The following BMPER variants were observed in gnomAD, a reference collection of about 807,000 sequenced individuals.
BMPER encodes BMP binding endothelial regulator.
In BMPER, 45 loss-of-function variants were observed where a neutral mutation model predicts 87.3. That is an observed-to-expected ratio of 0.52 (90% confidence interval 0.41 to 0.66). The LOEUF (loss-of-function observed/expected upper bound fraction) is 0.66. BMPER is among the 30% of genes least tolerant of loss of function. BMPER has a pLI of 0.00. For synonymous variants in BMPER, 326 were observed against 316.2 expected, an observed-to-expected ratio of 1.03 and a Z score of -0.33; for missense variants, 784 against 867.5, an observed-to-expected ratio of 0.90 and a Z score of 1.21.
chr7:33,908,783 C>G (rs1783882708), intron 2 of BMPER, among the ~76,000 whole-genome samples: 1 of 152,166 alleles, frequency 6.6e-6, no homozygotes, highest in Non-Finnish European at 1.5e-5. Context: ...CTTTCATTGG[C>G]TGAAAGGCTC....
chr7:33,969,431 G>A (rs536617567), intron 4 of BMPER, among the ~76,000 whole-genome samples: 4 of 152,206 alleles, frequency 2.6e-5, no homozygotes, highest in Non-Finnish European at 5.9e-5. Context: ...ATGGAGTCTC[G>A]CTCTGTCGTC....
chr7:34,018,447 A>G (rs974252309), intron 6 of BMPER, among the ~76,000 whole-genome samples: 1 of 151,966 alleles, frequency 6.6e-6, no homozygotes, highest in Non-Finnish European at 1.5e-5. Context: ...ACTTAGTTTT[A>G]TAAGCTTCAG....
At chr7:34,058,236 C>T (rs1788336203) in intron 10 of BMPER, 73 bp downstream of exon 10, 3 of 1,390,470 alleles carry the variant, frequency 2.2e-6, no homozygotes, top group Non-Finnish European at 3.0e-6. Flanking sequence ...AGTCGCATGC[C>T]ATCTTCCGAA....
chr7:34,045,430 T>A (rs994620229), intron 6 of BMPER, among the ~76,000 whole-genome samples: 75 of 152,168 alleles, frequency 4.9e-4, no homozygotes, highest in African/African-American at 1.7e-3. Flanking sequence ...GACTATATCC[T>A]TAGGCAGGGA....
At chr7:33,943,288 C>G (rs2128611118) in intron 3 of BMPER, among the ~76,000 whole-genome samples, 1 of 152,162 alleles carries the variant, frequency 6.6e-6, no homozygotes, top group African/African-American at 2.4e-5. Flanking sequence ...AAGAAATGGT[C>G]TTTTGCAGTT....
At chr7:34,055,357 A>C (rs947020761) in intron 9 of BMPER, 54 bp downstream of exon 9, 1 of 1,609,380 alleles carries the variant, frequency 6.2e-7, no homozygotes, top group Non-Finnish European at 8.5e-7. Context: ...CTGACAATTA[A>C]AAAGCTCCAG....
At chr7:33,987,557 T>C (rs1419945903) in intron 6 of BMPER, among the ~76,000 whole-genome samples, 17 of 152,188 alleles carry the variant, frequency 1.1e-4, no homozygotes. Context: ...CTTTGTTGTT[T>C]GGAGAGGACA....
intron 6 of BMPER, among the ~76,000 whole-genome samples, chr7:34,002,998 C>G (rs566234353): frequency 1.3e-5 from 2 of 151,676 alleles, no homozygotes; most frequent in Non-Finnish European, 3.0e-5. Flanking sequence ...GAATATTTGG[C>G]CCATTTCCAT....
chr7:34,088,531 A>G (rs1042118064), intron 13 of BMPER, among the ~76,000 whole-genome samples: 38 of 152,176 alleles, frequency 2.5e-4, no homozygotes, highest in African/African-American at 9.2e-4. Flanking sequence ...GGAGCAATGG[A>G]CTGAGAATGA....
At chr7:34,142,899 C>T (rs113433032) in intron 13 of BMPER, among the ~76,000 whole-genome samples, 1,948 of 152,308 alleles carry the variant, frequency 0.013, 39 homozygotes, top group African/African-American at 0.044. Context: ...AAACTTGGTT[C>T]CTCCATTGTG....
rs769726883 is a variant in BMPER, at chr7:33,935,831, G to A, written c.220-1458G>A. ...CATTCCAGTGTTCCTTAACAGAAGT[G>A]AGTGTCATTTTCTATATGTGCCATT... On this transcript the variant is annotated intron_variant, in intron 2 of 14. Transcript: ENST00000649409. Among the ~76,000 whole-genome samples, 2 of 152,156 alleles carry A rather than the reference G, an allele frequency of 1.3e-5. 1 individual carries two copies. Among genetic ancestry groups the A allele is most frequent in the African/African-American group, 4.8e-5 (2 of 41,420 alleles).
At chr7:33,979,750 A>C (rs1194006809) in intron 6 of BMPER, among the ~76,000 whole-genome samples, 1 of 152,298 alleles carries the variant, frequency 6.6e-6, no homozygotes, top group East Asian at 1.9e-4. Context: ...CAATGGATGA[A>C]CTGCAAACTC....
At chr7:34,096,912 A>C (rs568234640) in intron 13 of BMPER, among the ~76,000 whole-genome samples, 1 of 152,366 alleles carries the variant, frequency 6.6e-6, no homozygotes, top group Admixed American at 6.5e-5. Flanking sequence ...TTGATTGATT[A>C]AATAAGACAC....
chr7:34,063,861 T>C (rs1156491817), intron 11 of BMPER, among the ~76,000 whole-genome samples: 1 of 152,230 alleles, frequency 6.6e-6, no homozygotes, highest in African/African-American at 2.4e-5. Context: ...GTCTTCCAGT[T>C]GAAGCAGAGA....
At chr7:34,074,769 GA>G (rs1788819627) in intron 11 of BMPER, among the ~76,000 whole-genome samples, 1 of 152,056 alleles carries the variant, frequency 6.6e-6, no homozygotes, top group African/African-American at 2.4e-5. Flanking sequence ...CTTTCAAAGT[GA>G]AAAAACATTT....
intron 8 of BMPER, among the ~76,000 whole-genome samples, chr7:34,054,775 C>T (rs117376009): frequency 0.033 from 4,987 of 152,238 alleles, 115 homozygotes; most frequent in Non-Finnish European, 0.053. Flanking sequence ...TGGCATAAAG[C>T]CGTGGAGGAG....
chr7:33,907,695 A>G (rs1174880500), intron 2 of BMPER, among the ~76,000 whole-genome samples: 3 of 152,240 alleles, frequency 2.0e-5, no homozygotes, highest in Non-Finnish European at 2.9e-5. Context: ...AGTGTTTTAC[A>G]TGCCAATCAC....
intron 12 of BMPER, among the ~76,000 whole-genome samples, chr7:34,084,980 T>C (rs1165545011): frequency 6.6e-6 from 1 of 152,218 alleles, no homozygotes; most frequent in Non-Finnish European, 1.5e-5. Context: ...AGTACTGGCC[T>C]GCTGATGTAT....
intron 13 of BMPER, among the ~76,000 whole-genome samples, chr7:34,134,887 A>G (rs1379460101): frequency 6.6e-6 from 1 of 152,170 alleles, no homozygotes; most frequent in African/African-American, 2.4e-5. Context: ...GCTGGCATCC[A>G]TGAAAAATCC....
Sources: gnomAD v4.1 joint callset for allele counts (sites outside exome capture counted in the v4.1 genomes callset) on GRCh38, gnomAD v4.1.1 for gene constraint, MANE v1.5 for transcripts, NCBI Gene and HGNC (gene_info 2026-07-23, HGNC 2026-07-21) for gene names.